Variants in KCND2 observed in about 807,000 individuals in gnomAD.
KCND2 encodes A-type voltage-gated potassium channel KCND2.
A neutral mutation model predicts 54.4 loss-of-function variants in KCND2; 16 were observed. The ratio of observed to expected loss-of-function variants is 0.29; its 90% CI spans 0.20 to 0.45. The LOEUF is 0.45. Among genes scored for constraint, KCND2 ranks in the 20% least tolerant of loss-of-function variants. The pLI is 1.00. For missense variants in KCND2, 486 were observed against 824.2 expected, an observed-to-expected ratio of 0.59 and a Z score of 5.02; for synonymous variants, 317 against 310.7, an observed-to-expected ratio of 1.02 and a Z score of -0.21.
intron 1 of KCND2, among the ~76,000 whole-genome samples, chr7:120,663,859 T>C (rs1359379445): frequency 6.6e-6 from 1 of 152,198 alleles, no homozygotes; most frequent in Non-Finnish European, 1.5e-5. Flanking sequence ...CCAATTAGTT[T>C]CCTCACCATT....
At chr7:120,498,452 C>G (rs577206207) in intron 1 of KCND2, among the ~76,000 whole-genome samples, 2 of 148,986 alleles carry the variant, frequency 1.3e-5, no homozygotes, top group South Asian at 4.4e-4. Context: ...TGCACTCCAG[C>G]CTGGCGACAG....
intron 1 of KCND2, among the ~76,000 whole-genome samples, chr7:120,436,065 A>G (rs988570943): frequency 6.6e-6 from 1 of 152,216 alleles, no homozygotes; most frequent in Non-Finnish European, 1.5e-5. Context: ...AGTGTTTGAA[A>G]CTAAAGATAC....
At chr7:120,713,247 A>G (rs532266348) in intron 1 of KCND2, among the ~76,000 whole-genome samples, 77 of 152,264 alleles carry the variant, frequency 5.1e-4, no homozygotes, top group African/African-American at 1.8e-3. Context: ...TCATGCACCA[A>G]CTCAGCCTCC....
chr7:120,353,756 A>G lies in KCND2; in HGVS notation c.1115+78009A>G, dbSNP rs573608029. Among the ~76,000 whole-genome samples, 204 of 152,258 alleles carry G rather than the reference A, an allele frequency of 1.3e-3. 1 individual carries two copies. Among genetic ancestry groups the G allele is most frequent in the African/African-American group, 4.7e-3 (194 of 41,556 alleles). ...TTTAAAGGATCCATAATGTTAAACT[A>G]TTTAAATAATATTCTAATACATTGT... On this transcript the variant is annotated intron_variant, in intron 1 of 5. Transcript: ENST00000331113.
chr7:120,500,640 C>T (rs571027993), intron 1 of KCND2, among the ~76,000 whole-genome samples: 2 of 151,920 alleles, frequency 1.3e-5, no homozygotes, highest in South Asian at 4.2e-4. Context: ...ATCCAATAAG[C>T]AACAATAACA....
Position 120,627,857 on chromosome 7 carries a change from TC to T in KCND2, c.1116-105045del, listed in dbSNP as rs535790850. 1.2e-4 allele frequency among the ~76,000 whole-genome samples: 19 copies of T among 152,072 alleles called. No individual in the cohort carries two copies. The East Asian group carries it at 3.7e-3, about 29-fold the overall frequency. On this transcript the variant is annotated intron_variant, in intron 1 of 5. Transcript: ENST00000331113. ...TGGATTATATATAATATTAAAACCA[TC>T]TATTAATGTATTATAAAGAGGAGAA...
chr7:120,618,413 A>G (rs1369815022), intron 1 of KCND2, among the ~76,000 whole-genome samples: 1 of 152,212 alleles, frequency 6.6e-6, no homozygotes, highest in East Asian at 1.9e-4. Context: ...TTCATCCTAA[A>G]ATAATGTCTC....
At chr7:120,458,074 A>G (rs545781387) in intron 1 of KCND2, among the ~76,000 whole-genome samples, 26 of 152,316 alleles carry the variant, frequency 1.7e-4, no homozygotes, top group African/African-American at 6.3e-4. Context: ...GAACCAACTC[A>G]CTATCACAAG....
intron 1 of KCND2, among the ~76,000 whole-genome samples, chr7:120,685,181 C>G (rs1439933760): frequency 1.3e-5 from 2 of 152,118 alleles, no homozygotes; most frequent in African/African-American, 4.8e-5. Context: ...TAGATGAGTG[C>G]TGATAAAGTT....
intron 1 of KCND2, among the ~76,000 whole-genome samples, chr7:120,613,163 A>G (rs796301009): frequency 2.6e-5 from 4 of 151,874 alleles, no homozygotes; most frequent in African/African-American, 7.2e-5. Flanking sequence ...GACAAACAGC[A>G]TACTATAGAA....
At chr7:120,548,597 A>G (rs1792070943) in intron 1 of KCND2, among the ~76,000 whole-genome samples, 2 of 152,140 alleles carry the variant, frequency 1.3e-5, no homozygotes, top group Non-Finnish European at 2.9e-5. Flanking sequence ...GTGCAAAAAG[A>G]GGATTCCACG....
chr7:120,691,079 TGAGGAACAGCCAAG>T (rs1792262965), intron 1 of KCND2, among the ~76,000 whole-genome samples: 2 of 152,086 alleles, frequency 1.3e-5, no homozygotes, highest in Admixed American at 1.3e-4. Context: ...ATGGGGTCTA[TGAGGAACAGCCAAG>T]GAGTTGTGCT....
chr7:120,325,634 C>T (rs568397853), intron 1 of KCND2, among the ~76,000 whole-genome samples: 1 of 152,068 alleles, frequency 6.6e-6, no homozygotes, highest in South Asian at 2.1e-4. Flanking sequence ...ACCAGCCTTG[C>T]ATCCCAGGGA....
At chr7:120,367,991 T>G (rs1397528346) in intron 1 of KCND2, among the ~76,000 whole-genome samples, 3 of 152,124 alleles carry the variant, frequency 2.0e-5, no homozygotes, top group Non-Finnish European at 4.4e-5. Context: ...TATTTGATAC[T>G]AATTCAGCCC....
intron 1 of KCND2, among the ~76,000 whole-genome samples, chr7:120,481,416 T>A (rs977499376): frequency 6.6e-6 from 1 of 152,150 alleles, no homozygotes; most frequent in Non-Finnish European, 1.5e-5. Context: ...GGCCTGGCCA[T>A]GTAAAGAATG....
intron 2 of KCND2, among the ~76,000 whole-genome samples, chr7:120,733,332 A>G (rs1308532303): frequency 6.6e-6 from 1 of 152,126 alleles, no homozygotes; most frequent in Non-Finnish European, 1.5e-5. Flanking sequence ...TCACTCCAGC[A>G]GGAGTAAAGG....
At chr7:120,442,018 G>A (rs986811401) in intron 1 of KCND2, among the ~76,000 whole-genome samples, 2 of 152,096 alleles carry the variant, frequency 1.3e-5, no homozygotes, top group Non-Finnish European at 2.9e-5. Flanking sequence ...TTAGTAAAAA[G>A]TACCAGACAC....
At chr7:120,375,920 A>G (rs1800830056) in intron 1 of KCND2, among the ~76,000 whole-genome samples, 2 of 151,780 alleles carry the variant, frequency 1.3e-5, no homozygotes, top group Non-Finnish European at 2.9e-5. Flanking sequence ...AAGGAAAATT[A>G]GTTGTCATAG....
chr7:120,292,865 A>T (rs969272934), intron 1 of KCND2, among the ~76,000 whole-genome samples: 15 of 151,712 alleles, frequency 9.9e-5, no homozygotes, highest in African/African-American at 3.4e-4. Context: ...CTTTTGTTGT[A>T]TAATGTGATT....
Sources: gnomAD v4.1 joint callset for allele counts (sites outside exome capture counted in the v4.1 genomes callset) on GRCh38, gnomAD v4.1.1 for gene constraint, MANE v1.5 for transcripts, NCBI Gene and HGNC (gene_info 2026-07-23, HGNC 2026-07-21) for gene names.